The following PPP2R2A variants were observed in gnomAD, a reference collection of about 807,000 sequenced individuals.
PPP2R2A encodes protein phosphatase 2 regulatory subunit Balpha.
Under a neutral mutation model 53.2 loss-of-function variants are expected in PPP2R2A, and 9 were observed. That is an observed-to-expected ratio of 0.17 (90% CI 0.10 to 0.30). The LOEUF is 0.30. Among genes scored for constraint, PPP2R2A ranks in the 10% least tolerant of loss-of-function variants. The pLI, the probability that PPP2R2A is intolerant of heterozygous loss-of-function variation, is 1.00. For missense variants in PPP2R2A, 235 were observed against 534.6 expected (o/e 0.44, Z 5.53); for synonymous variants, 169 against 174.2 (o/e 0.97, Z 0.23).
intron 2 of PPP2R2A, among the ~76,000 whole-genome samples, chr8:26,294,577 G>C (rs1801460452): frequency 6.6e-6 from 1 of 152,078 alleles, no homozygotes; most frequent in African/African-American, 2.4e-5. Flanking sequence ...AATTACAGTA[G>C]GAATTTTCCA....
chr8:26,302,929 T>C (rs563993568), intron 2 of PPP2R2A, among the ~76,000 whole-genome samples: 1 of 152,256 alleles, frequency 6.6e-6, no homozygotes, highest in Non-Finnish European at 1.5e-5. Context: ...TTTGATGGTC[T>C]AAGATTTTAA....
intron 2 of PPP2R2A, among the ~76,000 whole-genome samples, chr8:26,314,186 C>T (rs926609208): frequency 8.5e-5 from 13 of 152,172 alleles, no homozygotes; most frequent in Non-Finnish European, 1.6e-4. Context: ...TACTTCGTTT[C>T]GTTTTCTGTG....
chr8:26,292,150 G>A (rs769152665), intron 1 of PPP2R2A: 384 of 1,210,378 alleles, frequency 3.2e-4, no homozygotes, highest in Non-Finnish European at 3.7e-4. Context: ...GAGCCTGGTG[G>A]ATCTTCTCCC....
At chr8:26,317,701 A>G (rs774077219) in intron 2 of PPP2R2A, among the ~76,000 whole-genome samples, 1 of 152,238 alleles carries the variant, frequency 6.6e-6, no homozygotes, top group African/African-American at 2.4e-5. Context: ...CACACAAGCT[A>G]GTATATGTAT....
intron 2 of PPP2R2A, 79 bp downstream of exon 2, chr8:26,293,819 G>A (rs751037631): frequency 8.0e-7 from 1 of 1,246,666 alleles, no homozygotes; most frequent in South Asian, 1.2e-5. Flanking sequence ...CCTTGAAGCC[G>A]AGACTGCTAT....
chr8:26,345,346 TA>T (rs1421551279), intron 3 of PPP2R2A, among the ~76,000 whole-genome samples: 1 of 152,196 alleles, frequency 6.6e-6, no homozygotes, highest in African/African-American at 2.4e-5. Context: ...TTATTATTAA[TA>T]ATTTTTCCCT....
intron 3 of PPP2R2A, among the ~76,000 whole-genome samples, chr8:26,348,961 C>G (rs2117361938): frequency 1.3e-5 from 2 of 151,856 alleles, no homozygotes; most frequent in Admixed American, 1.3e-4. Flanking sequence ...TCAATGTTTT[C>G]TCAGGTTGAA....
chr8:26,335,510 A>C (rs1803611928), intron 2 of PPP2R2A, among the ~76,000 whole-genome samples: 1 of 152,222 alleles, frequency 6.6e-6, no homozygotes, highest in South Asian at 2.1e-4. Context: ...GAGACCATGA[A>C]TCTGTCCATC....
chr8:26,299,243 T>C (rs1801675681), intron 2 of PPP2R2A, among the ~76,000 whole-genome samples: 1 of 147,318 alleles, frequency 6.8e-6, no homozygotes. Flanking sequence ...GCCTGGACAA[T>C]AGAGTAAGAC....
chr8:26,319,534 A>G (rs1802729352), intron 2 of PPP2R2A, among the ~76,000 whole-genome samples: 1 of 152,142 alleles, frequency 6.6e-6, no homozygotes, highest in African/African-American at 2.4e-5. Context: ...AATTTTTAGT[A>G]TGATGTAAAG....
In PPP2R2A at chr8:26,360,965, T is replaced by A. The variant is rs1214938013; in HGVS notation, c.460-9T>A. 1.3e-6 allele frequency: 2 copies of A among 1,582,128 alleles called. No individual in the cohort carries two copies. Among genetic ancestry groups the A allele is most frequent in the East Asian group, 4.6e-5 (2 of 43,712 alleles). On this transcript the variant is annotated splice_polypyrimidine_tract_variant and intron_variant, in intron 5 of 9. Coordinates refer to ENST00000380737, the MANE Select transcript of PPP2R2A (RefSeq NM_002717.4). This position sits in a 1 kb window ranked among gnomAD's most constrained non-coding sequence, Gnocchi z 4.5. Reference sequence around the variant, plus strand: ...TGTAATTTCTGTTTTTCATGTGTCTTATTGACAGGTGCCAGTCTTTAGGCC... The same window carrying A: ...TGTAATTTCTGTTTTTCATGTGTCTAATTGACAGGTGCCAGTCTTTAGGCC...
At chr8:26,293,327 TAAG>T (rs1331470756) in intron 1 of PPP2R2A, 6 of 1,450,554 alleles carry the variant, frequency 4.1e-6, no homozygotes, top group Admixed American at 4.0e-5. Context: ...TTTGTACACT[TAAG>T]AAAACTCTTT....
intron 3 of PPP2R2A, among the ~76,000 whole-genome samples, chr8:26,352,876 A>G (rs1427480143): frequency 6.6e-6 from 1 of 152,138 alleles, no homozygotes; most frequent in African/African-American, 2.4e-5. Flanking sequence ...ACCAGTTTCT[A>G]CTTTGACTAA....
At chr8:26,312,260 T>G (rs1397001953) in intron 2 of PPP2R2A, among the ~76,000 whole-genome samples, 1 of 152,242 alleles carries the variant, frequency 6.6e-6, no homozygotes, top group Non-Finnish European at 1.5e-5. Flanking sequence ...AGAGTTGTAT[T>G]GGCCTGATAA....
In PPP2R2A at chr8:26,339,001, G is replaced by A; in HGVS notation, c.180+14G>A. 1 of 1,562,748 alleles carries A rather than the reference G, an allele frequency of 6.4e-7. No individual in the cohort carries two copies. The highest frequency in any genetic ancestry group is 1.1e-5 in the South Asian group (1 of 89,280). On this transcript the variant is annotated intron_variant, in intron 3 of 9. Coordinates refer to ENST00000380737, the MANE Select transcript of PPP2R2A (RefSeq NM_002717.4). ...CAGGAGCAGGAGGTAAGTGTTTAAA[G>A]TTTATTGTCTAAATTTCAGTTTGAT... is the stretch of plus-strand genomic sequence containing the variant.
At position 26,369,124 on chromosome 8, in the gene PPP2R2A, T is replaced by TAC. The variant is rs375380252; in HGVS notation, c.1065-992_1065-991dup. 9.4e-3 allele frequency among the ~76,000 whole-genome samples: 1,410 copies of TAC among 149,392 alleles called. 12 individuals carry two copies. Among genetic ancestry groups the TAC allele is most frequent in the African/African-American group, 0.028 (1,130 of 40,750 alleles). On this transcript the variant is annotated intron_variant, in intron 9 of 9. Transcript: ENST00000380737. Reference sequence around the variant, plus strand: ...CTCCGTCTCAAAAAAAAAAAAATTATACACACACACACACACACATTATGT... The same window carrying TAC: ...CTCCGTCTCAAAAAAAAAAAAATTATACACACACACACACACACACATTATGT...
chr8:26,349,133 G>A (rs1167663379), intron 3 of PPP2R2A, among the ~76,000 whole-genome samples: 1 of 152,152 alleles, frequency 6.6e-6, no homozygotes, highest in Non-Finnish European at 1.5e-5. Context: ...CCAGTAGTAT[G>A]TGACTTTGCC....
chr8:26,291,740 C>T lies in PPP2R2A; in HGVS notation c.-80C>T, dbSNP rs370771820. On this transcript the variant is annotated 5_prime_UTR_variant, in exon 1 of 10. Transcript: ENST00000380737. ...CCGCCGCCATCCGCCCTCTCTACCC[C>T]CCCATCCCCAGGTGAGGGGGGTGAG... 23 of 1,525,970 alleles carry T rather than the reference C, an allele frequency of 1.5e-5. No homozygotes were observed. In the East Asian group the frequency reaches 3.0e-4, roughly 20 times the overall value. The allele number at this position is 1,525,970 out of a possible 1,614,324, so 94.5% of individuals were successfully genotyped here. A position where few individuals can be genotyped will look rare whatever the true frequency, so the allele number is the denominator to read the frequency against.
Position 26,291,741 on chromosome 8 carries a change from C to A in PPP2R2A, c.-79C>A, listed in dbSNP as rs573495451. On this transcript the variant is annotated 5_prime_UTR_variant, in exon 1 of 10. Transcript: ENST00000380737. ...CGCCGCCATCCGCCCTCTCTACCCCCCCATCCCCAGGTGAGGGGGGTGAGT... is the reference window on the plus strand; with the variant it reads ...CGCCGCCATCCGCCCTCTCTACCCCACCATCCCCAGGTGAGGGGGGTGAGT... The A allele has an allele frequency of 8.5e-6, 13 of 1,528,796 alleles. No individual in the cohort carries two copies. Among genetic ancestry groups the A allele is most frequent in the East Asian group, 5.1e-5 (2 of 39,512 alleles). The allele number at this position is 1,528,796 out of a possible 1,614,324, so 94.7% of individuals were successfully genotyped here. A position where few individuals can be genotyped will look rare whatever the true frequency, so the allele number is the denominator to read the frequency against.
Sources: gnomAD v4.1 joint callset for allele counts (sites outside exome capture counted in the v4.1 genomes callset) on GRCh38, gnomAD v4.1.1 for gene constraint, Gnocchi (gnomAD v3.1) non-coding constraint, MANE v1.5 for transcripts, NCBI Gene and HGNC (gene_info 2026-07-23, HGNC 2026-07-21) for gene names.